COMMD10: variants seen among roughly 807,000 people sequenced by gnomAD.
COMMD10 encodes COMM domain-containing protein 10.
Under a neutral mutation model 28.9 loss-of-function variants are expected in COMMD10, and 33 were observed. The observed-to-expected ratio is 1.14, with a 90% confidence interval of 0.87 to 1.53. The LOEUF (loss-of-function observed/expected upper bound fraction) is 1.53, where lower values mean the gene tolerates loss of function less well. Ranked by LOEUF, COMMD10 falls within the 40% of genes most tolerant of loss-of-function variation. COMMD10 has a pLI of 0.00. For missense variants in COMMD10, 310 were observed against 233.4 expected, an observed-to-expected ratio of 1.33 and a Z score of -2.14; for synonymous variants, 110 against 81.7, an observed-to-expected ratio of 1.35 and a Z score of -1.87.
intron 3 of COMMD10, 133 bp downstream of exon 3, chr5:116,091,322 A>C: frequency 2.1e-6 from 1 of 473,850 alleles, no homozygotes; most frequent in East Asian, 3.3e-5. Flanking sequence ...ATTTTAGTTA[A>C]GAATTTCAGT....
intron 5 of COMMD10, among the ~76,000 whole-genome samples, chr5:116,287,670 A>G (rs1297855361): frequency 3.3e-5 from 5 of 150,282 alleles, no homozygotes; most frequent in African/African-American, 2.5e-5. Context: ...TTTGTGTTTC[A>G]TTGATTTTTT....
chr5:116,273,064 A>G (rs1377739093), intron 5 of COMMD10, among the ~76,000 whole-genome samples: 3 of 151,836 alleles, frequency 2.0e-5, no homozygotes, highest in Non-Finnish European at 2.9e-5. Flanking sequence ...TTCACCCACA[A>G]TTCATCTTAA....
rs773345035 is a variant in COMMD10 at position 116,126,083 on chromosome 5, T to G, written c.400-7985T>G. Among the ~76,000 whole-genome samples, 4 of 152,110 alleles carry G rather than the reference T, an allele frequency of 2.6e-5. No individual in the cohort carries two copies. In the East Asian group the frequency reaches 7.7e-4, roughly 29 times the overall value. On this transcript the variant is annotated intron_variant, in intron 4 of 6. Coordinates refer to ENST00000274458, the MANE Select transcript of COMMD10 (RefSeq NM_016144.4). ...CTGATAAGCAACTTCAGCAAAGTCTTAGGATACAAAATCAGTGTGCAAAAA... is the reference window on the plus strand; with the variant it reads ...CTGATAAGCAACTTCAGCAAAGTCTGAGGATACAAAATCAGTGTGCAAAAA...
chr5:116,228,285 C>T (rs775657084), intron 5 of COMMD10, among the ~76,000 whole-genome samples: 1 of 151,812 alleles, frequency 6.6e-6, no homozygotes, highest in Non-Finnish European at 1.5e-5. Flanking sequence ...GCAACGTCAG[C>T]CACAAAATCA....
intron 5 of COMMD10, among the ~76,000 whole-genome samples, chr5:116,138,658 C>A (rs1752105890): frequency 6.6e-6 from 1 of 151,430 alleles, no homozygotes; most frequent in Non-Finnish European, 1.5e-5. Context: ...GGTAAAATCA[C>A]CCTGACAGTA....
intron 5 of COMMD10, among the ~76,000 whole-genome samples, chr5:116,164,378 T>C: frequency 6.6e-6 from 1 of 152,174 alleles, no homozygotes; most frequent in South Asian, 2.1e-4. Context: ...TTTGTATTTC[T>C]GGTTAATTTT....
chr5:116,259,211 C>T (rs62385991), intron 5 of COMMD10, among the ~76,000 whole-genome samples: 88 of 151,240 alleles, frequency 5.8e-4, no homozygotes, highest in South Asian at 1.0e-3. Context: ...TACAGGTGCA[C>T]GCCACCATGC....
At chr5:116,196,643 GAA>G (rs1554100572) in intron 5 of COMMD10, among the ~76,000 whole-genome samples, 2 of 150,592 alleles carry the variant, frequency 1.3e-5, no homozygotes, top group Non-Finnish European at 3.0e-5. Context: ...TTTAAAAAAA[GAA>G]AAATGTTTAT....
chr5:116,205,053 A>G lies in COMMD10; in HGVS notation c.510+70875A>G, dbSNP rs537406093. Among the ~76,000 whole-genome samples, 10 of 152,282 alleles carry G rather than the reference A, an allele frequency of 6.6e-5. No homozygotes were observed. In the East Asian group the frequency reaches 1.7e-3, roughly 26 times the overall value. On this transcript the variant is annotated intron_variant, in intron 5 of 6. Coordinates refer to ENST00000274458, the MANE Select transcript of COMMD10 (RefSeq NM_016144.4). ...AATGAGACTAGTAAAATGACTGCCA[A>G]GCTCCAGCCGCTCTTTATTTTATTG...
At chr5:116,113,378 A>T (rs10068479) in intron 4 of COMMD10, among the ~76,000 whole-genome samples, 30 of 133,768 alleles carry the variant, frequency 2.2e-4, no homozygotes, top group African/African-American at 3.7e-4. Context: ...GAGTTTTTCA[A>T]TCTATTATTT....
At chr5:116,124,832 T>G (rs1390225923) in intron 4 of COMMD10, among the ~76,000 whole-genome samples, 1 of 152,188 alleles carries the variant, frequency 6.6e-6, no homozygotes, top group African/African-American at 2.4e-5. Context: ...AATGGCCTTC[T>G]TTGTCTCTTT....
rs562576828 is a variant in COMMD10 at position 116,192,656 on chromosome 5, AG to A, written c.510+58479del. On this transcript the variant is annotated intron_variant, in intron 5 of 6. Transcript: ENST00000274458. ...GAAAATATGAACAAAGTTTCCAAGA[AG>A]TCTGGGATTATGTTAAACAACAAAC... is the stretch of plus-strand genomic sequence containing the variant. 4.3e-4 allele frequency among the ~76,000 whole-genome samples: 66 copies of A among 152,332 alleles called. 1 individual carries two copies. The highest frequency in any genetic ancestry group is 4.2e-3 in the Admixed American group (65 of 15,304).
intron 5 of COMMD10, among the ~76,000 whole-genome samples, chr5:116,191,918 C>T (rs1183910585): frequency 6.6e-6 from 1 of 150,738 alleles, no homozygotes; most frequent in Non-Finnish European, 1.5e-5. Context: ...CCACCCCCCA[C>T]TAACTCCACT....
chr5:116,139,816 C>G (rs1331695875), intron 5 of COMMD10, among the ~76,000 whole-genome samples: 1 of 151,596 alleles, frequency 6.6e-6, no homozygotes, highest in Non-Finnish European at 1.5e-5. Context: ...TATAAATATA[C>G]ATAGTAAAAT....
At chr5:116,209,466 G>A (rs1312927922) in intron 5 of COMMD10, among the ~76,000 whole-genome samples, 2 of 152,120 alleles carry the variant, frequency 1.3e-5, no homozygotes, top group Non-Finnish European at 2.9e-5. Context: ...ATGACTTTTA[G>A]TTCTAAAGTA....
intron 5 of COMMD10, among the ~76,000 whole-genome samples, chr5:116,273,509 T>G (rs544930408): frequency 6.6e-6 from 1 of 151,852 alleles, no homozygotes; most frequent in African/African-American, 2.4e-5. Context: ...TTGAGAACTT[T>G]TAAACAGGAT....
At chr5:116,226,863 T>G (rs1367334704) in intron 5 of COMMD10, among the ~76,000 whole-genome samples, 2 of 152,110 alleles carry the variant, frequency 1.3e-5, no homozygotes, top group Non-Finnish European at 2.9e-5. Context: ...GAAGTATGAA[T>G]TACTAAAGAC....
chr5:116,092,804 C>A, intron 4 of COMMD10, 104 bp downstream of exon 4: 1 of 784,454 alleles, frequency 1.3e-6, no homozygotes, highest in Non-Finnish European at 1.9e-6. Flanking sequence ...GAGGTAGAGT[C>A]AGGCAAAAGA....
intron 5 of COMMD10, among the ~76,000 whole-genome samples, chr5:116,214,293 A>C (rs569045930): frequency 6.7e-6 from 1 of 148,732 alleles, no homozygotes; most frequent in Admixed American, 6.6e-5. Context: ...TTTCACAATT[A>C]CAGTATCCAC....
Sources: gnomAD v4.1 joint callset for allele counts (sites outside exome capture counted in the v4.1 genomes callset) on GRCh38, gnomAD v4.1.1 for gene constraint, MANE v1.5 for transcripts, NCBI Gene and HGNC (gene_info 2026-07-23, HGNC 2026-07-21) for gene names.